HERC1: variants seen among roughly 807,000 people sequenced by gnomAD.
HERC1 encodes the protein probable E3 ubiquitin-protein ligase HERC1.
Under a neutral mutation model 554.3 loss-of-function variants are expected in HERC1, and 160 were observed. That is an observed-to-expected ratio of 0.29 (90% CI 0.25 to 0.33). The LOEUF (loss-of-function observed/expected upper bound fraction) is 0.33, where lower values mean the gene tolerates loss of function less well. HERC1 is among the 10% of genes least tolerant of loss of function. HERC1 has a pLI of 1.00. For missense variants in HERC1, 4,919 were observed against 5,918.5 expected, an observed-to-expected ratio of 0.83 and a Z score of 5.54; for synonymous variants, 2,175 against 2,131.7, an observed-to-expected ratio of 1.02 and a Z score of -0.56.
Position 63,729,535 on chromosome 15 carries a change from G to C in HERC1, c.2983C>G (p.Gln995Glu). The C allele has an allele frequency of 1.9e-6, 3 of 1,613,880 alleles. No homozygotes were observed. Among genetic ancestry groups the C allele is most frequent in the Non-Finnish European group, 2.5e-6 (3 of 1,179,816 alleles). The change falls in exon 15 of 78, where the codon CAG becomes GAG. Residue 995 changes from glutamine to glutamate, a missense_variant. Gln to Glu is a conservative substitution (Grantham distance 29, BLOSUM62 2). Around this residue, in one of 11 missense-constraint regions of HERC1, gnomAD observed 744 missense variants for 1,090.0 expected, o/e 0.68. Coordinates refer to ENST00000443617, the MANE Select transcript of HERC1 (RefSeq NM_003922.4). ...TTGATATGGCAAAATGCCAGCAGCTGTTTCTGTAGTGAACATAGCAGTTCA... is the reference window on the plus strand; with the variant it reads ...TTGATATGGCAAAATGCCAGCAGCTCTTTCTGTAGTGAACATAGCAGTTCA... The part of the protein sequence containing the change: ...LHELLCSLQK[Q>E]LLAFCHINNI...
At chr15:63,655,604 GTATC>G in intron 50 of HERC1, 134 bp downstream of exon 50, 1 of 610,954 alleles carries the variant, frequency 1.6e-6, no homozygotes, top group East Asian at 2.8e-5. Context: ...CAGTGAAAAA[GTATC>G]TATGCACTTC....
rs1193319557 is a variant in HERC1 at position 63,664,460 on chromosome 15, A to G, written c.8680+10T>C. On this transcript the variant is annotated intron_variant, in intron 43 of 77. Coordinates refer to ENST00000443617, the MANE Select transcript of HERC1 (RefSeq NM_003922.4). ...TTTCACAAAGAAAAGGATACGGAAC[A>G]TAAAATTACCTGCTCTTGCTAGCAG... 1 of 1,605,780 alleles carries G rather than the reference A, an allele frequency of 6.2e-7. No individual in the cohort carries two copies. The highest frequency in any genetic ancestry group is 8.5e-7 in the Non-Finnish European group (1 of 1,174,414).
intron 38 of HERC1, 71 bp downstream of exon 38, chr15:63,674,271 A>G: frequency 3.1e-6 from 4 of 1,276,168 alleles, no homozygotes; most frequent in Non-Finnish European, 4.2e-6. Context: ...TACAGAATGT[A>G]TCACTTCTGA....
At position 63,749,803 on chromosome 15, in the gene HERC1, A is replaced by G. The variant is rs1433472234; in HGVS notation, c.1903-12T>C. On this transcript the variant is annotated splice_polypyrimidine_tract_variant and intron_variant, in intron 8 of 77. Coordinates refer to ENST00000443617, the MANE Select transcript of HERC1 (RefSeq NM_003922.4). This position sits in a 1 kb window ranked among gnomAD's most constrained non-coding sequence, Gnocchi z 4.1. ...CCCCAAGCATAGACCTGAAAAAAAC[A>G]GAAATACGTTACACATAACTTCCTG... 3.3e-6 allele frequency: 5 copies of G among 1,535,440 alleles called. No homozygotes were observed. The South Asian group carries it at 6.3e-5, about 19-fold the overall frequency.
intron 70 of HERC1, 54 bp downstream of exon 70, chr15:63,628,623 T>C (rs1322314887): frequency 1.3e-6 from 2 of 1,538,894 alleles, no homozygotes; most frequent in East Asian, 2.3e-5. Context: ...GACAGTGCCA[T>C]GGGGTACTGC....
intron 2 of HERC1, among the ~76,000 whole-genome samples, chr15:63,769,768 A>T (rs899825491): frequency 3.3e-5 from 5 of 152,114 alleles, no homozygotes; most frequent in African/African-American, 9.7e-5. Flanking sequence ...AGGCAGGAGA[A>T]TCGCTTGAAC....
rs2070986186 is a variant in HERC1, at chr15:63,672,493, T to G, written c.8045+3A>C. On this transcript the variant is annotated splice_donor_region_variant and intron_variant, in intron 39 of 77. Transcript: ENST00000443617. ...GGCAGACATTAAAGGTCAACTTCTC[T>G]ACCTGAGAAGACTAAGAGGCATCAC... The G allele has an allele frequency of 6.3e-7, 1 of 1,580,236 alleles. No individual in the cohort carries two copies.
intron 1 of HERC1, among the ~76,000 whole-genome samples, chr15:63,817,068 T>C (rs2077516434): frequency 6.6e-6 from 1 of 152,044 alleles, no homozygotes; most frequent in Non-Finnish European, 1.5e-5. Context: ...GCAATGAGAC[T>C]AAGGGAAACT....
chr15:63,833,794 A>ACACACACAC (rs1567176642), intron 1 of HERC1, 33 bp downstream of exon 1: 5 of 137,460 alleles, frequency 3.6e-5, no homozygotes, highest in African/African-American at 1.5e-4. Flanking sequence ...CACACACAGG[A>ACACACACAC]CCAGGAGGAC....
At chr15:63,814,550 A>G (rs963315252) in intron 1 of HERC1, among the ~76,000 whole-genome samples, 1 of 152,288 alleles carries the variant, frequency 6.6e-6, no homozygotes, top group East Asian at 1.9e-4. Context: ...TCCACCTCCC[A>G]GTTTCTAGCA....
In HERC1 at chr15:63,729,965, G is replaced by A. The variant is rs568068877; in HGVS notation, c.2869-316C>T. Reference sequence around the variant, plus strand: ...GCTTGAACCCCAGGAGGCAGAGGTTGCAGTGAGCCAAGATCACGCCATTGC... The same window carrying A: ...GCTTGAACCCCAGGAGGCAGAGGTTACAGTGAGCCAAGATCACGCCATTGC... On this transcript the variant is annotated intron_variant, in intron 14 of 77. Transcript: ENST00000443617. Among the ~76,000 whole-genome samples, 8 of 144,902 alleles carry A rather than the reference G, an allele frequency of 5.5e-5. No individual in the cohort carries two copies. The South Asian group carries it at 1.1e-3, about 20-fold the overall frequency.
At chr15:63,720,445 CA>C (rs961685493) in intron 19 of HERC1, among the ~76,000 whole-genome samples, 1 of 152,072 alleles carries the variant, frequency 6.6e-6, no homozygotes, top group African/African-American at 2.4e-5. Flanking sequence ...ATAAACAAAA[CA>C]AAACCAACAA....
At chr15:63,702,087 T>TGC (rs1274100050) in intron 25 of HERC1, among the ~76,000 whole-genome samples, 2 of 152,136 alleles carry the variant, frequency 1.3e-5, no homozygotes, top group Non-Finnish European at 2.9e-5. Context: ...ACATACTTTA[T>TGC]AAACCATAAA....
intron 24 of HERC1, among the ~76,000 whole-genome samples, chr15:63,710,998 A>C (rs1441590774): frequency 2.0e-5 from 3 of 152,172 alleles, no homozygotes; most frequent in Non-Finnish European, 4.4e-5. Flanking sequence ...TCATTGCAGG[A>C]CTCTGAGCAG....
At chr15:63,658,396 AT>A (rs1313261648) in intron 48 of HERC1, 147 bp downstream of exon 48, 1 of 594,754 alleles carries the variant, frequency 1.7e-6, no homozygotes, top group African/African-American at 1.9e-5. Context: ...GATTGAGTGA[AT>A]AACAATGACT....
intron 26 of HERC1, among the ~76,000 whole-genome samples, chr15:63,697,750 C>A (rs751881338): frequency 6.6e-6 from 1 of 152,004 alleles, no homozygotes; most frequent in African/African-American, 2.4e-5. Context: ...CCACCGCGCC[C>A]GGCCAATCTT....
At chr15:63,793,961 G>A (rs925123669) in intron 1 of HERC1, among the ~76,000 whole-genome samples, 1 of 152,128 alleles carries the variant, frequency 6.6e-6, no homozygotes, top group African/African-American at 2.4e-5. Flanking sequence ...TAATAAAACA[G>A]GTTACAGTAA....
chr15:63,649,385 A>C (rs2069551601), intron 54 of HERC1, among the ~76,000 whole-genome samples: 1 of 152,098 alleles, frequency 6.6e-6, no homozygotes, highest in South Asian at 2.1e-4. Context: ...CACAAAAAAA[A>C]CAATTTCATC....
intron 57 of HERC1, among the ~76,000 whole-genome samples, chr15:63,644,728 G>A (rs1165881555): frequency 6.6e-6 from 1 of 152,114 alleles, no homozygotes; most frequent in South Asian, 2.1e-4. Flanking sequence ...CTTATGACTC[G>A]TCTATCTGTA....
Sources: gnomAD v4.1 joint callset for allele counts (sites outside exome capture counted in the v4.1 genomes callset) on GRCh38, gnomAD v4.1.1 for gene constraint, gnomAD v4.1.1 regional missense constraint, Gnocchi (gnomAD v3.1) non-coding constraint, MANE v1.5 for transcripts, NCBI Gene and HGNC (gene_info 2026-07-23, HGNC 2026-07-21) for gene names.